The following MAP4 variants were observed in gnomAD, a reference collection of about 807,000 sequenced individuals.
MAP4 encodes microtubule-associated protein 4.
A neutral mutation model predicts 170.2 loss-of-function variants in MAP4; 76 were observed. That is an observed-to-expected ratio of 0.45 (90% CI 0.37 to 0.54). The LOEUF is 0.54. Among genes scored for constraint, MAP4 ranks in the 20% least tolerant of loss-of-function variants. The pLI is 0.00. For synonymous variants in MAP4, 909 were observed against 994.5 expected (o/e 0.91, Z 1.62); for missense variants, 2,506 against 2,748.0 (o/e 0.91, Z 1.97).
At chr3:47,943,601 CT>C (rs1236564094) in intron 3 of MAP4, among the ~76,000 whole-genome samples, 2 of 151,926 alleles carry the variant, frequency 1.3e-5, no homozygotes, top group Non-Finnish European at 2.9e-5. Context: ...AAACAGGACT[CT>C]TTCCCCCACT....
chr3:47,989,708 G>A (rs968150530), intron 2 of MAP4, among the ~76,000 whole-genome samples: 4 of 152,100 alleles, frequency 2.6e-5, no homozygotes, highest in Non-Finnish European at 5.9e-5. Context: ...AGGTTGACAA[G>A]TAGAAAAAAG....
At chr3:47,980,021 C>T (rs754412304) in intron 2 of MAP4, among the ~76,000 whole-genome samples, 1 of 151,810 alleles carries the variant, frequency 6.6e-6, no homozygotes, top group Non-Finnish European at 1.5e-5. Flanking sequence ...TTTGGAAAAA[C>T]GGGGTCTCCC....
intron 1 of MAP4, among the ~76,000 whole-genome samples, chr3:48,055,839 A>G (rs2100130884): frequency 7.4e-6 from 1 of 135,812 alleles, no homozygotes. Context: ...AGACGTGGGG[A>G]GCGCCTCTGC....
At chr3:48,054,080 G>A (rs1242910123) in intron 1 of MAP4, among the ~76,000 whole-genome samples, 1 of 151,904 alleles carries the variant, frequency 6.6e-6, no homozygotes, top group Non-Finnish European at 1.5e-5. Context: ...GAGGCAGGCA[G>A]ATCATGAGGT....
intron 1 of MAP4, among the ~76,000 whole-genome samples, chr3:48,006,868 T>C (rs1193117669): frequency 1.3e-5 from 2 of 152,256 alleles, no homozygotes; most frequent in Non-Finnish European, 2.9e-5. Context: ...TGTGGTTTCA[T>C]TGCTTGAGCA....
intron 1 of MAP4, among the ~76,000 whole-genome samples, chr3:48,084,520 G>C (rs2100148114): frequency 6.6e-6 from 1 of 151,676 alleles, no homozygotes; most frequent in South Asian, 2.1e-4. Flanking sequence ...CTCTAAAATG[G>C]TAGATGAGTA....
chr3:47,959,048 T>G (rs549409853), intron 3 of MAP4, among the ~76,000 whole-genome samples: 1 of 151,994 alleles, frequency 6.6e-6, no homozygotes, highest in African/African-American at 2.4e-5. Flanking sequence ...TTCTGCCACA[T>G]GAAAATCTTT....
At chr3:47,930,190 AAT>A (rs2100048715) in intron 3 of MAP4, among the ~76,000 whole-genome samples, 1 of 152,102 alleles carries the variant, frequency 6.6e-6, no homozygotes, top group East Asian at 1.9e-4. Context: ...TCACGCCTGT[AAT>A]CCCAGCACTT....
chr3:47,940,624 C>T (rs1203159861), intron 3 of MAP4, among the ~76,000 whole-genome samples: 1 of 152,166 alleles, frequency 6.6e-6, no homozygotes, highest in Non-Finnish European at 1.5e-5. Flanking sequence ...TGGCTAAACA[C>T]TTAAAGTACT....
At chr3:47,897,388 A>G (rs2100027467) in intron 10 of MAP4, among the ~76,000 whole-genome samples, 1 of 152,088 alleles carries the variant, frequency 6.6e-6, no homozygotes, top group South Asian at 2.1e-4. Context: ...CGGCCTCCCC[A>G]AGTGCTGGGA....
rs778951556 is a variant in MAP4, at chr3:47,853,165, G to T, written c.6884C>A (p.Thr2295Lys). Reference sequence around the variant, plus strand: ...TTAGGCCGAGCCCAGCCACTTACTTGTCTCCTGGATCTGGCTGTCCAAGGT... The same window carrying T: ...TTAGGCCGAGCCCAGCCACTTACTTTTCTCCTGGATCTGGCTGTCCAAGGT... ...AQTLDSQIQE[T>K]N The change falls in exon 20 of 21, where the codon ACA becomes AAA. Residue 2295 changes from threonine (T) to lysine (K), a missense_variant and splice_region_variant. Coordinates refer to ENST00000683076, the MANE Select transcript of MAP4 (RefSeq NM_001385682.1). 1.9e-6 allele frequency: 3 copies of T among 1,596,722 alleles called. No individual in the cohort carries two copies. In the African/African-American group the frequency reaches 4.0e-5, roughly 21 times the overall value.
At chr3:47,983,615 T>C (rs922228928) in intron 2 of MAP4, among the ~76,000 whole-genome samples, 1 of 152,130 alleles carries the variant, frequency 6.6e-6, no homozygotes, top group African/African-American at 2.4e-5. Flanking sequence ...CTCTAACTCC[T>C]GACCTCAGGT....
chr3:47,907,540 G>T (rs968395095), intron 9 of MAP4, among the ~76,000 whole-genome samples: 2 of 152,056 alleles, frequency 1.3e-5, no homozygotes, highest in African/African-American at 4.8e-5. Context: ...ACTCTGTAAG[G>T]CCACTGCTAA....
intron 1 of MAP4, among the ~76,000 whole-genome samples, chr3:48,078,346 G>A (rs1331843871): frequency 6.9e-6 from 1 of 145,742 alleles, no homozygotes; most frequent in East Asian, 2.0e-4. Flanking sequence ...TAGAGACAGG[G>A]TTGCCATGCT....
chr3:47,861,288 A>G (rs1431523096), intron 17 of MAP4, among the ~76,000 whole-genome samples: 4 of 151,754 alleles, frequency 2.6e-5, no homozygotes, highest in Non-Finnish European at 4.4e-5. Context: ...CCCAGGAGGC[A>G]GAGGCTGCAA....
At chr3:47,956,425 G>A (rs2100067875) in intron 3 of MAP4, among the ~76,000 whole-genome samples, 1 of 152,220 alleles carries the variant, frequency 6.6e-6, no homozygotes, top group African/African-American at 2.4e-5. Flanking sequence ...TAAAGAGGTA[G>A]GACTGAAGGG....
intron 3 of MAP4, among the ~76,000 whole-genome samples, chr3:47,947,647 T>C (rs1482288914): frequency 1.3e-5 from 2 of 151,068 alleles, no homozygotes. Flanking sequence ...GCATTTCTAC[T>C]AAAATACAAA....
intron 3 of MAP4, among the ~76,000 whole-genome samples, chr3:47,964,492 CT>C (rs2100073653): frequency 6.6e-6 from 1 of 152,020 alleles, no homozygotes. Context: ...TTTTTTTCTT[CT>C]TTTTCTTCTC....
intron 10 of MAP4, among the ~76,000 whole-genome samples, chr3:47,882,205 G>C (rs2096880701): frequency 6.6e-6 from 1 of 152,122 alleles, no homozygotes; most frequent in Non-Finnish European, 1.5e-5. Flanking sequence ...CTTGAACCTG[G>C]GAAGTGAAGG....
Sources: allele counts gnomAD v4.1 joint callset (sites outside exome capture counted in the v4.1 genomes callset), GRCh38; gene constraint gnomAD v4.1.1; transcripts MANE v1.5; gene names NCBI Gene and HGNC (gene_info 2026-07-23, HGNC 2026-07-21).